The following IMMP2L variants were observed in gnomAD, a reference collection of about 807,000 sequenced individuals.
IMMP2L encodes inner mitochondrial membrane peptidase subunit 2.
IMMP2L carries 18 observed loss-of-function variants against 19.3 expected under a neutral mutation model. That is an observed-to-expected ratio of 0.93 (90% CI 0.64 to 1.38). The LOEUF (loss-of-function observed/expected upper bound fraction) is 1.38. Ranked by LOEUF, IMMP2L falls within the 40% of genes most tolerant of loss-of-function variation. The probability of loss-of-function intolerance (pLI) is 0.00; values close to 1 mark genes in which losing one functional copy is unlikely to be tolerated. For synonymous variants in IMMP2L, 76 were observed against 73.0 expected (o/e 1.04, Z -0.21); for missense variants, 233 against 218.2 (o/e 1.07, Z -0.43).
chr7:111,539,218 GAAAGAAAGAAAGAA>G (rs1225309904), intron 1 of IMMP2L, among the ~76,000 whole-genome samples: 9 of 111,966 alleles, frequency 8.0e-5, no homozygotes, highest in African/African-American at 3.4e-4. Flanking sequence ...AAGAAAGAAA[GAAAGAAAGAAAGAA>G]AGAAAGAAAG....
intron 5 of IMMP2L, among the ~76,000 whole-genome samples, chr7:110,713,010 C>T (rs879354950): frequency 1.3e-5 from 2 of 152,128 alleles, no homozygotes; most frequent in Non-Finnish European, 2.9e-5. Context: ...GGAGCTGTTC[C>T]TATTCGGCCA....
chr7:111,099,134 C>A lies in IMMP2L; in HGVS notation c.240-135569G>T, dbSNP rs1035596997. ...ACTTCCTCTATCATCATTTTTCCAT[C>A]GAGTGGAAGTCAACATACTTCTTCA... On this transcript the variant is annotated intron_variant, in intron 3 of 5. Coordinates refer to ENST00000405709, the MANE Select transcript of IMMP2L (RefSeq NM_032549.4). Among the ~76,000 whole-genome samples the A allele has an allele frequency of 2.6e-5, 4 of 151,732 alleles. No homozygotes were observed. The South Asian group carries it at 8.3e-4, about 31-fold the overall frequency.
chr7:111,370,657 A>G (rs936854708), intron 3 of IMMP2L, among the ~76,000 whole-genome samples: 1 of 151,918 alleles, frequency 6.6e-6, no homozygotes, highest in Non-Finnish European at 1.5e-5. Flanking sequence ...CTACCATCAA[A>G]ATCCCGTTTC....
At chr7:110,669,956 G>A (rs1791777468) in intron 5 of IMMP2L, among the ~76,000 whole-genome samples, 1 of 152,128 alleles carries the variant, frequency 6.6e-6, no homozygotes, top group Non-Finnish European at 1.5e-5. Flanking sequence ...GTTCTTTCCT[G>A]AAAAAATAGA....
At chr7:111,543,010 C>T (rs1848622420) in intron 1 of IMMP2L, among the ~76,000 whole-genome samples, 1 of 152,132 alleles carries the variant, frequency 6.6e-6, no homozygotes, top group African/African-American at 2.4e-5. Flanking sequence ...TAACACTCGA[C>T]TAGAAACTAA....
At chr7:111,169,033 A>G (rs1441364453) in intron 3 of IMMP2L, among the ~76,000 whole-genome samples, 1 of 151,946 alleles carries the variant, frequency 6.6e-6, no homozygotes, top group Non-Finnish European at 1.5e-5. Context: ...CCCGATTCCT[A>G]CACATAGGCA....
chr7:110,920,836 G>A (rs958024254), intron 4 of IMMP2L, among the ~76,000 whole-genome samples: 2 of 152,044 alleles, frequency 1.3e-5, no homozygotes, highest in African/African-American at 2.4e-5. Flanking sequence ...AGTTGAGTTC[G>A]CATACACCTT....
intron 3 of IMMP2L, among the ~76,000 whole-genome samples, chr7:111,467,657 G>A (rs1840808127): frequency 6.6e-6 from 1 of 152,080 alleles, no homozygotes; most frequent in Admixed American, 6.6e-5. Context: ...TTAGTTTTGA[G>A]AAAAGGACAA....
Position 111,562,445 on chromosome 7 carries a change from G to GGCGCCT in IMMP2L, c.-598_-597insAGGCGC, listed in dbSNP as rs1563364562. On this transcript the variant is annotated 5_prime_UTR_variant, in exon 1 of 6. Transcript: ENST00000405709. ...AGCCCCCCACCCGCCGCCGGACGCC[G>GGCGCCT]GGCGCCCGCCCTCCGCACCCGCTGC... is the stretch of plus-strand genomic sequence containing the variant. 48 of 150,860 alleles carry GGCGCCT rather than the reference G, an allele frequency of 3.2e-4. No homozygotes were observed. The highest frequency in any genetic ancestry group is 1.0e-4 in the Non-Finnish European group (7 of 67,756). 9.3% of individuals were successfully genotyped at this position (150,860 alleles called of 1,614,324 possible). A position where few individuals can be genotyped will look rare whatever the true frequency, so the allele number is the denominator to read the frequency against.
intron 3 of IMMP2L, among the ~76,000 whole-genome samples, chr7:111,220,710 T>C (rs1024174097): frequency 6.6e-5 from 10 of 152,012 alleles, no homozygotes; most frequent in African/African-American, 2.2e-4. Flanking sequence ...CAAGTGATCA[T>C]GGAAGTAAAG....
At chr7:111,555,441 C>A (rs1457184931) in intron 1 of IMMP2L, among the ~76,000 whole-genome samples, 3 of 117,852 alleles carry the variant, frequency 2.5e-5, no homozygotes, top group African/African-American at 5.6e-5. Flanking sequence ...AACAAAGCGA[C>A]AACCTAATCT....
chr7:110,823,051 T>C (rs1352739571), intron 5 of IMMP2L, among the ~76,000 whole-genome samples: 1 of 152,114 alleles, frequency 6.6e-6, no homozygotes, highest in East Asian at 1.9e-4. Flanking sequence ...TAAATGGAAA[T>C]GCCAGTTTTA....
intron 3 of IMMP2L, among the ~76,000 whole-genome samples, chr7:111,451,982 G>T (rs1003813010): frequency 6.6e-6 from 1 of 152,070 alleles, no homozygotes; most frequent in Non-Finnish European, 1.5e-5. Context: ...AAACAATTCT[G>T]GTCACTGAAG....
At chr7:111,298,197 G>C (rs1455470398) in intron 3 of IMMP2L, among the ~76,000 whole-genome samples, 2 of 152,096 alleles carry the variant, frequency 1.3e-5, no homozygotes, top group Non-Finnish European at 2.9e-5. Context: ...CAATACTTCA[G>C]CATTAATGGA....
chr7:111,135,619 C>T (rs1303687593), intron 3 of IMMP2L, among the ~76,000 whole-genome samples: 3 of 152,128 alleles, frequency 2.0e-5, no homozygotes, highest in South Asian at 4.1e-4. Flanking sequence ...CATGATGCCA[C>T]ATTATTATTT....
chr7:111,533,785 G>A (rs904918269), intron 1 of IMMP2L, among the ~76,000 whole-genome samples: 1 of 151,828 alleles, frequency 6.6e-6, no homozygotes. Context: ...GTCTTTTAAG[G>A]GTAGAAAGAG....
chr7:111,562,477 C>T lies in IMMP2L; in HGVS notation c.-629G>A, dbSNP rs1317458534. The stretch of plus-strand genomic sequence containing the variant: ...CGCCCTCCGCACCCGCTGCGCAGCT[C>T]AGCCCGGGGGAAGTCCCCGCGCAGA... On this transcript the variant is annotated 5_prime_UTR_variant, in exon 1 of 6. Coordinates refer to ENST00000405709, the MANE Select transcript of IMMP2L (RefSeq NM_032549.4). 1 of 151,660 alleles carries T rather than the reference C, an allele frequency of 6.6e-6. No individual in the cohort carries two copies. Among genetic ancestry groups the T allele is most frequent in the Admixed American group, 6.6e-5 (1 of 15,200 alleles). 9.4% of individuals were successfully genotyped at this position (151,660 alleles called of 1,614,324 possible). A position where few individuals can be genotyped will look rare whatever the true frequency, so the allele number is the denominator to read the frequency against.
chr7:111,172,268 A>C (rs1806528931), intron 3 of IMMP2L, among the ~76,000 whole-genome samples: 1 of 151,478 alleles, frequency 6.6e-6, no homozygotes, highest in African/African-American at 2.4e-5. Flanking sequence ...AAGAAAGGAA[A>C]CTTAGGAGCT....
intron 3 of IMMP2L, among the ~76,000 whole-genome samples, chr7:110,968,786 C>T (rs1490640124): frequency 6.6e-6 from 1 of 152,098 alleles, no homozygotes; most frequent in East Asian, 1.9e-4. Context: ...GAAAAATGTT[C>T]CTACCTAGAG....
Sources: gnomAD v4.1 joint callset for allele counts (sites outside exome capture counted in the v4.1 genomes callset) on GRCh38, gnomAD v4.1.1 for gene constraint, MANE v1.5 for transcripts, NCBI Gene and HGNC (gene_info 2026-07-23, HGNC 2026-07-21) for gene names.